The following ODAD4 variants were observed in gnomAD, a reference collection of about 807,000 sequenced individuals.
ODAD4 encodes outer dynein arm docking complex subunit 4, also known as outer dynein arm-docking complex subunit 4.
Under a neutral mutation model 51.8 loss-of-function variants are expected in ODAD4, and 49 were observed. The observed-to-expected ratio is 0.95, with a 90% CI of 0.75 to 1.20. The LOEUF is 1.20. Ranked by LOEUF, ODAD4 falls within the 50% of genes most tolerant of loss-of-function variation. ODAD4 has a pLI of 0.00. For synonymous variants in ODAD4, 235 were observed against 221.3 expected (o/e 1.06, Z -0.55); for missense variants, 590 against 586.5 (o/e 1.01, Z -0.06).
chr17:41,965,196 T>A lies in ODAD4; in HGVS notation c.1732T>A (p.Leu578Met), dbSNP rs1766621961. The change falls in exon 12 of 12, where the codon TTG (leucine) becomes ATG (methionine). Residue 578 changes from leucine (L) to methionine (M), a missense_variant. This residue lies in a region of ODAD4 where 226 missense variants were observed against 162.7 expected (regional missense o/e 1.39). Coordinates refer to ENST00000377540, the MANE Select transcript of ODAD4 (RefSeq NM_031421.5). The part of the protein sequence containing the change: ...SVEAGKARSD[L>M]GAVAKGLSGE... ...GGAAGCAGGAAAAGCCAGAAGCGAT[T>A]TGGGAGCAGTTGCCAAGGGCCTGTC... The A allele has an allele frequency of 1.3e-6, 1 of 773,592 alleles. No homozygotes were observed. Among genetic ancestry groups the A allele is most frequent in the East Asian group, 2.4e-5 (1 of 41,078 alleles). The allele number at this position is 773,592 out of a possible 1,614,324, so 47.9% of individuals were successfully genotyped here.
intron 7 of ODAD4, among the ~76,000 whole-genome samples, chr17:41,939,558 T>C (rs1025451197): frequency 1.3e-5 from 2 of 152,130 alleles, no homozygotes; most frequent in African/African-American, 4.8e-5. Flanking sequence ...AAAAGGGACA[T>C]AGCTAATTAA....
Position 41,962,719 on chromosome 17 carries a change from C to A in ODAD4, c.1528+1253C>A, listed in dbSNP as rs8070526. 1.5e-3 allele frequency among the ~76,000 whole-genome samples: 229 copies of A among 152,310 alleles called. 1 individual carries two copies. Among genetic ancestry groups the A allele is most frequent in the African/African-American group, 5.1e-3 (212 of 41,574 alleles). On this transcript the variant is annotated intron_variant, in intron 11 of 11. Transcript: ENST00000377540. ...CTAGAACCCACGCGTCGGCCCGTGC[C>A]ACACTGTTTCTAGTGACACAGACAG...
intron 11 of ODAD4, 139 bp from the exon 12 acceptor site, chr17:41,964,854 G>C: frequency 1.7e-6 from 1 of 581,616 alleles, no homozygotes; most frequent in Admixed American, 3.1e-5. Flanking sequence ...TGTCGCCCAG[G>C]CTGGTCTGGA....
chr17:41,935,608 C>CA lies in ODAD4; in HGVS notation c.260dup (p.Ala88GlyfsTer2). On this transcript the variant is annotated frameshift_variant, in exon 3 of 12. Transcript: ENST00000377540. LOFTEE classifies it high-confidence loss of function. ...TTTCCTCCCATTCCAGGGGATTTTG[C>CA]AAAAGGCTGAGACACTGTACACCAT... The CA allele has an allele frequency of 6.2e-7, 1 of 1,612,090 alleles. No homozygotes were observed. The highest frequency in any genetic ancestry group is 1.7e-4 in the Middle Eastern group (1 of 6,060).
rs1441247987 is a variant in ODAD4 at position 41,942,132 on chromosome 17, C to T, written c.1058+2960C>T. Reference sequence around the variant, plus strand: ...TGTGTTTTTAGTAGAGATGGGGTTTCACCATGTTAGCCAGGCTAGTCTCTA... The same window carrying T: ...TGTGTTTTTAGTAGAGATGGGGTTTTACCATGTTAGCCAGGCTAGTCTCTA... On this transcript the variant is annotated intron_variant, in intron 7 of 11. Transcript: ENST00000377540. Among the ~76,000 whole-genome samples, 4 of 152,300 alleles carry T rather than the reference C, an allele frequency of 2.6e-5. No individual in the cohort carries two copies. In the East Asian group the frequency reaches 7.7e-4, roughly 29 times the overall value.
chr17:41,947,093 G>C (rs1203167181), intron 8 of ODAD4, among the ~76,000 whole-genome samples: 12 of 150,412 alleles, frequency 8.0e-5, no homozygotes, highest in Admixed American at 7.9e-4. Flanking sequence ...CAGGTGATCC[G>C]CCCACCTCAG....
chr17:41,938,410 T>C (rs1052836916), intron 5 of ODAD4, 147 bp from the exon 6 acceptor site: 26 of 657,270 alleles, frequency 4.0e-5, no homozygotes, highest in Non-Finnish European at 6.0e-5. Context: ...ACTCTGCCAC[T>C]ATGCGCACTC....
At chr17:41,944,429 CACACACACACA>C (rs1567933008) in intron 7 of ODAD4, among the ~76,000 whole-genome samples, 7 of 6,690 alleles carry the variant, frequency 1.0e-3, no homozygotes, top group African/African-American at 1.2e-3. Flanking sequence ...CACACACACA[CACACACACACA>C]CACACCCCCC....
chr17:41,945,362 AT>A, intron 8 of ODAD4, 140 bp downstream of exon 8: 3 of 633,842 alleles, frequency 4.7e-6, no homozygotes, highest in Non-Finnish European at 8.1e-6. Flanking sequence ...AAAAAAAAAA[AT>A]TAGCCGCGCA....
intron 8 of ODAD4, among the ~76,000 whole-genome samples, chr17:41,948,277 T>C (rs2050612645): frequency 6.6e-6 from 1 of 151,872 alleles, no homozygotes; most frequent in Non-Finnish European, 1.5e-5. Context: ...TTTTTTGTTT[T>C]GATTTTTCTC....
At chr17:41,933,607 G>A (rs1287500299) in intron 1 of ODAD4, among the ~76,000 whole-genome samples, 5 of 152,030 alleles carry the variant, frequency 3.3e-5, no homozygotes, top group Non-Finnish European at 5.9e-5. Context: ...AGCCGAGATC[G>A]TGCCATTGCA....
intron 2 of ODAD4, 41 bp downstream of exon 2, chr17:41,935,389 G>A (rs2050410968): frequency 6.2e-7 from 1 of 1,603,086 alleles, no homozygotes; most frequent in Non-Finnish European, 8.5e-7. Flanking sequence ...GCCATTGCCT[G>A]TAGCAACTTC....
chr17:41,936,430 T>C lies in ODAD4; in HGVS notation c.398-43T>C, dbSNP rs782608595. 3.2e-5 allele frequency: 47 copies of C among 1,449,362 alleles called. No individual in the cohort carries two copies. In the East Asian group the frequency reaches 8.8e-4, roughly 27 times the overall value. 89.8% of individuals were successfully genotyped at this position (1,449,362 alleles called of 1,614,324 possible). On this transcript the variant is annotated intron_variant, in intron 3 of 11. Coordinates refer to ENST00000377540, the MANE Select transcript of ODAD4 (RefSeq NM_031421.5). ...ATAAAAATATGTGATAAGTCATGCCTGGGGGGTCTGGCCGACCTGAGCTCC... is the reference window on the plus strand; with the variant it reads ...ATAAAAATATGTGATAAGTCATGCCCGGGGGGTCTGGCCGACCTGAGCTCC...
Position 41,938,995 on chromosome 17 carries a change from T to A in ODAD4, c.881T>A (p.Leu294His). ...ACAAGTGGCAGTGCTGAAGGGAGTC[T>A]TCAGAAAGCTGAGAAAGTGCTGAAG... The part of the protein sequence containing the change: ...LLTSGSAEGS[L>H]QKAEKVLKKV... The change falls in exon 7 of 12, where the codon CTT (leucine) becomes CAT (histidine). Residue 294 changes from leucine (L) to histidine (H), a missense_variant. Physicochemically the swap from Leu to His is moderately conservative, Grantham distance 99 (BLOSUM62 -3). Transcript: ENST00000377540. The A allele has an allele frequency of 1.2e-6, 2 of 1,611,960 alleles. No individual in the cohort carries two copies. Among genetic ancestry groups the A allele is most frequent in the Non-Finnish European group, 8.5e-7 (1 of 1,178,968 alleles).
intron 1 of ODAD4, among the ~76,000 whole-genome samples, chr17:41,934,395 A>G (rs893428101): frequency 1.6e-5 from 2 of 128,116 alleles, no homozygotes; most frequent in African/African-American, 2.9e-5. Flanking sequence ...TCTGTCACCC[A>G]GGCTGGAGTG....
At position 41,965,682 on chromosome 17, in the gene ODAD4, C is replaced by T. The variant is rs1257698592; in HGVS notation, c.*199C>T. 9.2e-6 allele frequency: 5 copies of T among 542,020 alleles called. No individual in the cohort carries two copies. Among genetic ancestry groups the T allele is most frequent in the Non-Finnish European group, 1.6e-5 (5 of 308,502 alleles). 33.6% of individuals were successfully genotyped at this position (542,020 alleles called of 1,614,324 possible). ...AGTCTGTCACTTTGCCTCTTCACCC[C>T]TGCCCATTCTTGGAAGAGCATCGTG... is the stretch of plus-strand genomic sequence containing the variant. On this transcript the variant is annotated 3_prime_UTR_variant, in exon 12 of 12. Transcript: ENST00000377540.
rs782286235 is a variant in ODAD4 at position 41,965,082 on chromosome 17, G to A, written c.1618G>A (p.Asp540Asn). 1.3e-5 allele frequency: 10 copies of A among 766,200 alleles called. No individual in the cohort carries two copies. The highest frequency in any genetic ancestry group is 3.5e-5 in the Admixed American group (2 of 56,624). 47.5% of individuals were successfully genotyped at this position (766,200 alleles called of 1,614,324 possible). ...GCCCGAGAAGGTGGTGAAGCAGTGG[G>A]ACCATAGTGAGGATGAGAAAGAGAC... is the stretch of plus-strand genomic sequence containing the variant. ...DEPEKVVKQWDHSEDEKETDE... is the reference protein window; with the variant it reads ...DEPEKVVKQWNHSEDEKETDE... The change falls in exon 12 of 12, where the codon GAC (aspartate) becomes AAC (asparagine). Residue 540 changes from aspartate to asparagine, a missense_variant. Transcript: ENST00000377540.
At chr17:41,933,577 G>A (rs1467188919) in intron 1 of ODAD4, among the ~76,000 whole-genome samples, 7 of 152,106 alleles carry the variant, frequency 4.6e-5, no homozygotes, top group African/African-American at 1.4e-4. Flanking sequence ...GCTTGAACCC[G>A]GGAGGCGGAG....
At chr17:41,961,361 A>G in intron 10 of ODAD4, 21 bp from the exon 11 acceptor site, 2 of 733,466 alleles carry the variant, frequency 2.7e-6, no homozygotes, top group African/African-American at 1.7e-5. Flanking sequence ...ACAGGGGCTA[A>G]GCTCCCTCTA....
Sources: allele counts gnomAD v4.1 joint callset (sites outside exome capture counted in the v4.1 genomes callset), GRCh38; gene constraint gnomAD v4.1.1; regional missense constraint gnomAD v4.1.1; transcripts MANE v1.5; gene names NCBI Gene and HGNC (gene_info 2026-07-23, HGNC 2026-07-21).